MASP1: variants seen among roughly 807,000 people sequenced by gnomAD.
MASP1 encodes mannan-binding lectin serine protease 1.
In MASP1, 59 loss-of-function variants were observed where a neutral mutation model predicts 77.1. The ratio of observed to expected loss-of-function variants is 0.77; its 90% CI spans 0.62 to 0.95. MASP1 has a LOEUF of 0.95. Among genes scored for constraint, MASP1 ranks in the 40% least tolerant of loss-of-function variants. MASP1 has a pLI of 0.00. For missense variants in MASP1, 885 were observed against 912.9 expected (o/e 0.97, Z 0.39); for synonymous variants, 362 against 354.5 (o/e 1.02, Z -0.24).
At chr3:187,233,127 A>G (rs1016949687), downstream of MASP1, among the ~76,000 whole-genome samples, 6 of 152,314 alleles carry the variant, frequency 3.9e-5, no homozygotes, top group Admixed American at 3.3e-4. Flanking sequence ...CAGAAGTTGC[A>G]TAACTGCTTT....
chr3:187,265,847 C>G (rs748322556), intron 2 of MASP1, among the ~76,000 whole-genome samples: 5 of 152,200 alleles, frequency 3.3e-5, no homozygotes, highest in Non-Finnish European at 5.9e-5. Context: ...CCTCTTGAAA[C>G]CTTATCTTGG....
chr3:187,268,851 G>T (rs1173647448), intron 2 of MASP1, among the ~76,000 whole-genome samples: 1 of 152,206 alleles, frequency 6.6e-6, no homozygotes, highest in Non-Finnish European at 1.5e-5. Flanking sequence ...TGGATAACAA[G>T]GTCAGGAGTT....
At chr3:187,266,593 G>A (rs1257515071) in intron 2 of MASP1, among the ~76,000 whole-genome samples, 1 of 152,110 alleles carries the variant, frequency 6.6e-6, no homozygotes, top group African/African-American at 2.4e-5. Context: ...GGTAGGGGGT[G>A]GGTAGAGTAT....
At chr3:187,245,786 C>T (rs1714023854) in intron 8 of MASP1, among the ~76,000 whole-genome samples, 1 of 152,144 alleles carries the variant, frequency 6.6e-6, no homozygotes, top group Admixed American at 6.5e-5. Flanking sequence ...ATCAAAACAC[C>T]CTTCTCTTTC....
At chr3:187,231,808 A>T (rs1388544325), downstream of MASP1, among the ~76,000 whole-genome samples, 1 of 152,248 alleles carries the variant, frequency 6.6e-6, no homozygotes, top group Non-Finnish European at 1.5e-5. Context: ...TAGTAAGAAT[A>T]AAAAATTTGT....
intron 8 of MASP1, among the ~76,000 whole-genome samples, chr3:187,248,431 A>C (rs1451354460): frequency 2.0e-5 from 3 of 152,190 alleles, no homozygotes; most frequent in African/African-American, 7.2e-5. Context: ...ACTGAGGCCA[A>C]AGAGTCTGAA....
intron 1 of MASP1, among the ~76,000 whole-genome samples, chr3:187,290,150 A>G (rs1718193174): frequency 6.6e-6 from 1 of 152,218 alleles, no homozygotes; most frequent in Non-Finnish European, 1.5e-5. Flanking sequence ...GGAGGTGGAC[A>G]TTTAAACAAG....
At chr3:187,243,764 C>T in intron 8 of MASP1, 143 bp from the exon 9 acceptor site, 2 of 1,017,892 alleles carry the variant, frequency 2.0e-6, no homozygotes, top group Non-Finnish European at 3.1e-6. Flanking sequence ...TGAAGGGCAC[C>T]CCTGGGGTGT....
intron 4 of MASP1, among the ~76,000 whole-genome samples, chr3:187,260,422 G>A (rs964675972): frequency 2.0e-5 from 3 of 152,158 alleles, no homozygotes; most frequent in Non-Finnish European, 4.4e-5. Flanking sequence ...GAAGGAACTG[G>A]GAAACCCAAG....
intron 2 of MASP1, among the ~76,000 whole-genome samples, chr3:187,285,154 GA>G (rs1285228579): frequency 1.4e-5 from 1 of 73,784 alleles, no homozygotes; most frequent in East Asian, 3.6e-4. Flanking sequence ...CCCACCCATG[GA>G]ATTTTTTTTT....
intron 8 of MASP1, chr3:187,244,307 A>C (rs1196784997): frequency 2.6e-5 from 4 of 155,348 alleles, no homozygotes; most frequent in African/African-American, 9.6e-5. Flanking sequence ...GACATGAATA[A>C]AGATGCCTGC....
intron 2 of MASP1, among the ~76,000 whole-genome samples, chr3:187,281,899 C>G (rs1717442001): frequency 6.6e-6 from 1 of 152,162 alleles, no homozygotes; most frequent in Non-Finnish European, 1.5e-5. Flanking sequence ...GCTTCTCTTC[C>G]ATTTATAGCC....
chr3:187,286,067 T>C lies in MASP1; in HGVS notation c.6-11A>G. The C allele has an allele frequency of 1.2e-6, 2 of 1,600,214 alleles. No homozygotes were observed. The highest frequency in any genetic ancestry group is 1.7e-6 in the Non-Finnish European group (2 of 1,167,404). Reference sequence around the variant, plus strand: ...TAGAGAAGCAGCCACCTGAAAGACATGAATGTAGGTCTACTTACATTTATA... The same window carrying C: ...TAGAGAAGCAGCCACCTGAAAGACACGAATGTAGGTCTACTTACATTTATA... On this transcript the variant is annotated splice_polypyrimidine_tract_variant and intron_variant, in intron 1 of 10. Transcript: ENST00000296280.
At chr3:187,262,094 G>A (rs1715627049) in intron 3 of MASP1, among the ~76,000 whole-genome samples, 1 of 152,178 alleles carries the variant, frequency 6.6e-6, no homozygotes, top group Non-Finnish European at 1.5e-5. Flanking sequence ...AGATTGACTG[G>A]CAGGGACACA....
chr3:187,250,172 C>CAG, intron 8 of MASP1, 79 bp downstream of exon 8: 1 of 1,172,650 alleles, frequency 8.5e-7, no homozygotes. Flanking sequence ...GCCAAGCTTT[C>CAG]ACCCTTGCAT....
chr3:187,285,523 A>C (rs1717775877), intron 2 of MASP1, among the ~76,000 whole-genome samples: 1 of 151,870 alleles, frequency 6.6e-6, no homozygotes, highest in African/African-American at 2.4e-5. Context: ...TGCTTGTTGA[A>C]TTAAAGGTGA....
intron 2 of MASP1, among the ~76,000 whole-genome samples, chr3:187,281,615 G>A (rs114719527): frequency 0.025 from 3,861 of 152,314 alleles, 72 homozygotes; most frequent in Non-Finnish European, 0.039. Context: ...TGGAGTGCTT[G>A]CAGTTATGCA....
chr3:187,220,508 T>TTTTTTTTTTTTTTG (rs1711991031), intron 15 of MASP1, among the ~76,000 whole-genome samples: 1 of 147,272 alleles, frequency 6.8e-6, no homozygotes. Context: ...TTTTTTTTTT[T>TTTTTTTTTTTTTTG]TTTTTGAGAT....
rs1353851726 is a variant in MASP1 at position 187,220,213 on chromosome 3, A to G, written c.1958T>C (p.Leu653Pro). 2.5e-6 allele frequency: 4 copies of G among 1,614,082 alleles called. No homozygotes were observed. Among genetic ancestry groups the G allele is most frequent in the Non-Finnish European group, 3.4e-6 (4 of 1,180,038 alleles). Residue 653 changes from leucine to proline, a missense_variant, in exon 16 of 16, where the codon CTG becomes CCG. Coordinates refer to the MASP1 transcript ENST00000337774. Reference sequence around the variant, plus strand: ...GTACCACTGGCCTCTTTCTCTATTCAGGGTCACCATGGGGCCTCCAGAGTC... The same window carrying G: ...GTACCACTGGCCTCTTTCTCTATTCGGGGTCACCATGGGGCCTCCAGAGTC...
Sources: gnomAD v4.1 joint callset for allele counts (sites outside exome capture counted in the v4.1 genomes callset) on GRCh38, gnomAD v4.1.1 for gene constraint, MANE v1.5 for transcripts, NCBI Gene and HGNC (gene_info 2026-07-23, HGNC 2026-07-21) for gene names.